Variants in CTNNA3 observed in about 807,000 individuals in gnomAD.
CTNNA3 encodes catenin alpha-3.
Under a neutral mutation model 95.7 loss-of-function variants are expected in CTNNA3, and 76 were observed. The observed-to-expected ratio is 0.79, with a 90% CI of 0.66 to 0.96. The LOEUF (loss-of-function observed/expected upper bound fraction) is 0.96, where lower values mean the gene tolerates loss of function less well. CTNNA3 is among the 40% of genes least tolerant of loss of function. The probability of loss-of-function intolerance (pLI) is 0.00; values close to 1 mark genes in which losing one functional copy is unlikely to be tolerated. For synonymous variants in CTNNA3, 431 were observed against 374.4 expected (o/e 1.15, Z -1.74); for missense variants, 1,191 against 1,089.8 (o/e 1.09, Z -1.31).
Position 66,377,987 on chromosome 10 carries a change from T to C in CTNNA3, c.1732+1165A>G, listed in dbSNP as rs2092807953. 2.0e-5 allele frequency among the ~76,000 whole-genome samples: 3 copies of C among 152,210 alleles called. No homozygotes were observed. The South Asian group carries it at 6.2e-4, about 32-fold the overall frequency. On this transcript the variant is annotated intron_variant, in intron 12 of 17. Coordinates refer to ENST00000433211, the MANE Select transcript of CTNNA3 (RefSeq NM_013266.4). ...AGCATTGCATTATTTTAGAAATATTTCAAAGAGATAGTAAGAAAATTACAT... is the reference window on the plus strand; with the variant it reads ...AGCATTGCATTATTTTAGAAATATTCCAAAGAGATAGTAAGAAAATTACAT...
intron 9 of CTNNA3, among the ~76,000 whole-genome samples, chr10:66,668,471 A>G (rs1416667032): frequency 2.3e-4 from 35 of 151,342 alleles, no homozygotes; most frequent in Admixed American, 2.3e-3. Context: ...ACACATCCAC[A>G]TATATACATA....
chr10:67,688,242 C>A (rs1840771959), intron 1 of CTNNA3, among the ~76,000 whole-genome samples: 1 of 152,070 alleles, frequency 6.6e-6, no homozygotes, highest in African/African-American at 2.4e-5. Flanking sequence ...AAATTCCCCT[C>A]CCCCTACAGC....
At chr10:66,811,854 T>C (rs1351969169) in intron 7 of CTNNA3, among the ~76,000 whole-genome samples, 2 of 152,212 alleles carry the variant, frequency 1.3e-5, no homozygotes, top group African/African-American at 4.8e-5. Flanking sequence ...ATTGCCTGTT[T>C]ATATCTCTGA....
chr10:66,751,423 A>G (rs1475413986), intron 9 of CTNNA3, among the ~76,000 whole-genome samples: 1 of 152,196 alleles, frequency 6.6e-6, no homozygotes, highest in Non-Finnish European at 1.5e-5. Flanking sequence ...TGACATAGAC[A>G]ATCATGTCAT....
intron 7 of CTNNA3, among the ~76,000 whole-genome samples, chr10:67,176,315 C>G (rs1256717865): frequency 6.6e-6 from 1 of 152,200 alleles, no homozygotes; most frequent in Non-Finnish European, 1.5e-5. Context: ...GTCAGAGAGG[C>G]TGTTTCTCCA....
At chr10:67,370,635 T>C (rs1051909857) in intron 5 of CTNNA3, among the ~76,000 whole-genome samples, 14 of 152,164 alleles carry the variant, frequency 9.2e-5, no homozygotes, top group Non-Finnish European at 1.5e-5. Context: ...AACTAAACTC[T>C]GTTTAGTAAG....
intron 7 of CTNNA3, among the ~76,000 whole-genome samples, chr10:66,867,902 A>T (rs1844243990): frequency 6.6e-6 from 1 of 150,834 alleles, no homozygotes. Context: ...TACCAAAAAA[A>T]AAAAAAATTA....
intron 7 of CTNNA3, chr10:66,925,911 A>C (rs1489786457): frequency 9.5e-6 from 4 of 419,594 alleles, no homozygotes; most frequent in African/African-American, 2.0e-5. Context: ...CAAAAGAATC[A>C]TTCATTTTCC....
intron 3 of CTNNA3, among the ~76,000 whole-genome samples, chr10:67,580,642 C>G (rs1456857652): frequency 6.9e-6 from 1 of 145,644 alleles, no homozygotes; most frequent in East Asian, 2.0e-4. Context: ...TATAAATTAC[C>G]TTGGGCAGTA....
intron 5 of CTNNA3, chr10:67,334,204 C>T (rs1424704089): frequency 6.4e-6 from 1 of 157,214 alleles, no homozygotes; most frequent in Admixed American, 6.2e-5. Flanking sequence ...TGGTGAATCC[C>T]CTGTTTGAGA....
At chr10:67,120,566 C>T (rs1027788294) in intron 7 of CTNNA3, among the ~76,000 whole-genome samples, 1 of 151,734 alleles carries the variant, frequency 6.6e-6, no homozygotes, top group Non-Finnish European at 1.5e-5. Flanking sequence ...ATTTCTGATC[C>T]CCAAATGGAG....
At chr10:66,644,958 C>T (rs1177500790) in intron 9 of CTNNA3, among the ~76,000 whole-genome samples, 1 of 152,138 alleles carries the variant, frequency 6.6e-6, no homozygotes, top group African/African-American at 2.4e-5. Flanking sequence ...ACTAACTATT[C>T]CCCATTTCTA....
At chr10:66,716,754 T>C (rs1848463360) in intron 9 of CTNNA3, among the ~76,000 whole-genome samples, 1 of 152,192 alleles carries the variant, frequency 6.6e-6, no homozygotes, top group Admixed American at 6.6e-5. Flanking sequence ...GGTTGAGTTT[T>C]AAGGTGCTAT....
At chr10:66,068,420 T>C (rs1164157628) in intron 15 of CTNNA3, among the ~76,000 whole-genome samples, 1 of 152,184 alleles carries the variant, frequency 6.6e-6, no homozygotes, top group South Asian at 2.1e-4. Flanking sequence ...TTATTTTGTA[T>C]GTAATTTTCA....
At chr10:67,295,899 C>G (rs1050318038) in intron 5 of CTNNA3, among the ~76,000 whole-genome samples, 4 of 152,186 alleles carry the variant, frequency 2.6e-5, no homozygotes, top group Non-Finnish European at 5.9e-5. Flanking sequence ...ATGCAACAGG[C>G]TTTGAAAACT....
chr10:66,855,451 C>G (rs1406340414), intron 7 of CTNNA3, among the ~76,000 whole-genome samples: 3 of 151,912 alleles, frequency 2.0e-5, no homozygotes, highest in Admixed American at 6.6e-5. Context: ...ATTTTATGAT[C>G]ATAACTTGAG....
At position 66,069,387 on chromosome 10, in the gene CTNNA3, A is replaced by G. The variant is rs2080381322; in HGVS notation, c.2080T>C (p.Trp694Arg). The change falls in exon 15 of 18, where the codon TGG becomes CGG. Residue 694 changes from tryptophan to arginine, a missense_variant. Physicochemically the swap from Trp to Arg is moderately radical, Grantham distance 101 (BLOSUM62 -3). Coordinates refer to ENST00000433211, the MANE Select transcript of CTNNA3 (RefSeq NM_013266.4). ...ATGATGTCGTTGCTTGTATCATCCCATATCTCAATCTCAGCATCCAGCTTA... is the reference window on the plus strand; with the variant it reads ...ATGATGTCGTTGCTTGTATCATCCCGTATCTCAATCTCAGCATCCAGCTTA... ...KSKLDAEIEIWDDTSNDIIVL... is the reference protein window; with the variant it reads ...KSKLDAEIEIRDDTSNDIIVL... 1 of 1,613,656 alleles carries G rather than the reference A, an allele frequency of 6.2e-7. No homozygotes were observed.
intron 7 of CTNNA3, chr10:66,926,847 A>G: frequency 7.9e-7 from 1 of 1,267,458 alleles, no homozygotes; most frequent in East Asian, 2.5e-5. Flanking sequence ...TGAAAAATAT[A>G]TGCCTATTTT....
At chr10:66,222,639 A>AAAGT (rs1238033678) in intron 13 of CTNNA3, among the ~76,000 whole-genome samples, 3 of 149,626 alleles carry the variant, frequency 2.0e-5, no homozygotes, top group African/African-American at 7.4e-5. Context: ...AGAAAGAAAG[A>AAAGT]AAGAAAAGAG....
Sources: gnomAD v4.1 joint callset for allele counts (sites outside exome capture counted in the v4.1 genomes callset) on GRCh38, gnomAD v4.1.1 for gene constraint, MANE v1.5 for transcripts, NCBI Gene and HGNC (gene_info 2026-07-23, HGNC 2026-07-21) for gene names.